The following GPHN variants were observed in gnomAD, a reference collection of about 807,000 sequenced individuals.
The protein encoded by GPHN is gephyrin.
Under a neutral mutation model 95.5 loss-of-function variants are expected in GPHN, and 17 were observed. That is an observed-to-expected ratio of 0.18 (90% CI 0.12 to 0.27). The LOEUF is 0.27. GPHN is among the 10% of genes least tolerant of loss of function. The pLI, the probability that GPHN is intolerant of heterozygous loss-of-function variation, is 1.00. For synonymous variants in GPHN, 320 were observed against 322.5 expected, an observed-to-expected ratio of 0.99 and a Z score of 0.08; for missense variants, 660 against 978.1, an observed-to-expected ratio of 0.67 and a Z score of 4.34.
intron 20 of GPHN, among the ~76,000 whole-genome samples, 180 bp from the exon 21 acceptor site, chr14:67,168,753 C>A (rs1042182772): frequency 2.0e-5 from 3 of 152,126 alleles, no homozygotes; most frequent in Non-Finnish European, 4.4e-5. Flanking sequence ...AATGTTTACA[C>A]CCCCTGTGGC....
chr14:67,350,682 C>T, the GPHN span: 2 of 1,613,320 alleles, frequency 1.2e-6, no homozygotes, highest in Non-Finnish European at 1.7e-6. Context: ...CGCCCATCAA[C>T]ATTTTAGTCT....
At position 66,534,853 on chromosome 14, in the gene GPHN, A is replaced by G. The variant is rs146418183; in HGVS notation, c.64+26262A>G. On this transcript the variant is annotated intron_variant, in intron 1 of 22. Coordinates refer to ENST00000478722, the MANE Select transcript of GPHN (RefSeq NM_020806.5). ...AAGTTATTCTGTCTTTGTCTTATGG[A>G]TTTATAGGAATTCCTTATGTATTCT... Among the ~76,000 whole-genome samples the G allele has an allele frequency of 4.0e-4, 61 of 152,134 alleles. 3 individuals carry two copies. In the East Asian group the frequency reaches 9.8e-3, roughly 25 times the overall value.
chr14:67,105,623 T>C (rs1322650257), intron 13 of GPHN, among the ~76,000 whole-genome samples: 1 of 152,180 alleles, frequency 6.6e-6, no homozygotes, highest in African/African-American at 2.4e-5. Context: ...ACTTAAAGTC[T>C]ATTTTATCTG....
chr14:66,515,561 T>C (rs889756293), intron 1 of GPHN, among the ~76,000 whole-genome samples: 1 of 152,192 alleles, frequency 6.6e-6, no homozygotes, highest in Non-Finnish European at 1.5e-5. Context: ...AAATTTGAAA[T>C]TATAGGTAAA....
At chr14:67,667,906 T>A in the GPHN span, among the ~76,000 whole-genome samples, 1 of 152,064 alleles carries the variant, frequency 6.6e-6, no homozygotes. Flanking sequence ...ATCGCGCCAC[T>A]GCACTCCAGC....
intron 4 of GPHN, among the ~76,000 whole-genome samples, chr14:66,848,326 A>C (rs1447770715): frequency 6.6e-6 from 1 of 152,078 alleles, no homozygotes; most frequent in Non-Finnish European, 1.5e-5. Flanking sequence ...TCTTAAGCAG[A>C]GGTCCTCAAA....
intron 5 of GPHN, among the ~76,000 whole-genome samples, chr14:66,897,685 A>G (rs1477629658): frequency 2.6e-5 from 4 of 152,134 alleles, no homozygotes; most frequent in African/African-American, 9.7e-5. Flanking sequence ...TTTATTGTTG[A>G]GTAGTATTCC....
chr14:67,019,557 G>T (rs2073492898), intron 9 of GPHN, among the ~76,000 whole-genome samples: 1 of 152,172 alleles, frequency 6.6e-6, no homozygotes, highest in Non-Finnish European at 1.5e-5. Context: ...GCAATCAAAT[G>T]TAATTTCCAT....
chr14:67,005,704 A>G (rs564531841), intron 9 of GPHN, among the ~76,000 whole-genome samples: 1 of 152,096 alleles, frequency 6.6e-6, no homozygotes, highest in South Asian at 2.1e-4. Flanking sequence ...GAAATCACCT[A>G]CACCCTTTGA....
chr14:67,694,451 T>TATACAC, the GPHN span, among the ~76,000 whole-genome samples: 7 of 143,788 alleles, frequency 4.9e-5, no homozygotes, highest in Non-Finnish European at 1.1e-4. Context: ...TATATATATA[T>TATACAC]ACACACACAC....
At chr14:66,775,773 A>C (rs1342676715) in intron 2 of GPHN, among the ~76,000 whole-genome samples, 1 of 152,360 alleles carries the variant, frequency 6.6e-6, no homozygotes, top group East Asian at 1.9e-4. Flanking sequence ...TTTCTAAAAA[A>C]TATTTCAAAC....
the GPHN span, among the ~76,000 whole-genome samples, chr14:67,540,924 T>C: frequency 6.6e-6 from 1 of 152,214 alleles, no homozygotes; most frequent in South Asian, 2.1e-4. Context: ...CCAGAAGGCA[T>C]CTGAGTGAAT....
chr14:67,682,973 A>G, the GPHN span, among the ~76,000 whole-genome samples: 1 of 152,382 alleles, frequency 6.6e-6, no homozygotes, highest in South Asian at 2.1e-4. Context: ...AAAAGAAGTC[A>G]GTCACAAAAG....
chr14:67,444,763 C>G, the GPHN span, among the ~76,000 whole-genome samples: 2 of 152,008 alleles, frequency 1.3e-5, no homozygotes, highest in South Asian at 4.2e-4. Context: ...TACACAAACT[C>G]TTTTTTGTGT....
chr14:66,795,591 A>C (rs2060125911), intron 3 of GPHN, among the ~76,000 whole-genome samples: 1 of 152,056 alleles, frequency 6.6e-6, no homozygotes, highest in Admixed American at 6.6e-5. Flanking sequence ...GGTTTTTTTA[A>C]GGACTACCCA....
chr14:66,991,601 T>C (rs935409328), intron 9 of GPHN, among the ~76,000 whole-genome samples: 2 of 149,802 alleles, frequency 1.3e-5, no homozygotes, highest in African/African-American at 4.9e-5. Context: ...CTAAGGATCC[T>C]ATTAACTGTC....
chr14:66,563,230 A>G (rs1459331633), intron 1 of GPHN, among the ~76,000 whole-genome samples: 1 of 152,182 alleles, frequency 6.6e-6, no homozygotes, highest in East Asian at 1.9e-4. Context: ...ATGATTTTCA[A>G]AAATAATATG....
chr14:67,051,971 T>C (rs945548607), intron 10 of GPHN, among the ~76,000 whole-genome samples: 1 of 151,912 alleles, frequency 6.6e-6, no homozygotes, highest in African/African-American at 2.4e-5. Context: ...GCACTAAATA[T>C]GGAAAGAAAA....
rs1444760597 is a variant in GPHN, at chr14:67,080,162, A to G, written c.1145-8821A>G. 3.3e-5 allele frequency among the ~76,000 whole-genome samples: 5 copies of G among 151,968 alleles called. 1 individual carries two copies. In the East Asian group the frequency reaches 9.6e-4, roughly 29 times the overall value. ...GATTTTGACTTTCATTTTTCTGACA[A>G]TTACTGATAATGAGCATCTTTTTAT... On this transcript the variant is annotated intron_variant, in intron 11 of 22. Transcript: ENST00000478722.
Sources: allele counts gnomAD v4.1 joint callset (sites outside exome capture counted in the v4.1 genomes callset), GRCh38; gene constraint gnomAD v4.1.1; transcripts MANE v1.5; gene names NCBI Gene and HGNC (gene_info 2026-07-23, HGNC 2026-07-21).